The following SDCCAG8 variants were observed in gnomAD, a reference collection of about 807,000 sequenced individuals.
SDCCAG8 encodes SHH signaling and ciliogenesis regulator SDCCAG8.
A neutral mutation model predicts 101.8 loss-of-function variants in SDCCAG8; 74 were observed. That is an observed-to-expected ratio of 0.73 (90% CI 0.60 to 0.88). SDCCAG8 has a LOEUF of 0.88. Ranked by LOEUF, SDCCAG8 falls within the 40% of genes least tolerant of loss-of-function variation. The pLI, the probability that SDCCAG8 is intolerant of heterozygous loss-of-function variation, is 0.00. For missense variants in SDCCAG8, 787 were observed against 822.6 expected, an observed-to-expected ratio of 0.96 and a Z score of 0.53; for synonymous variants, 281 against 292.9, an observed-to-expected ratio of 0.96 and a Z score of 0.41.
At chr1:243,392,789 A>G (rs1407567354) in intron 13 of SDCCAG8, among the ~76,000 whole-genome samples, 2 of 152,172 alleles carry the variant, frequency 1.3e-5, no homozygotes, top group African/African-American at 4.8e-5. Flanking sequence ...AAATGCAGGA[A>G]TGGTTGGGAC....
At chr1:243,415,468 T>C (rs1448079332) in intron 13 of SDCCAG8, among the ~76,000 whole-genome samples, 1 of 152,190 alleles carries the variant, frequency 6.6e-6, no homozygotes, top group Non-Finnish European at 1.5e-5. Context: ...TTAGTTGTTA[T>C]GATGTTTTGA....
intron 12 of SDCCAG8, chr1:243,346,071 G>A (rs1385925206): frequency 1.3e-5 from 2 of 153,750 alleles, no homozygotes; most frequent in Non-Finnish European, 2.9e-5. Context: ...TTTCCCAGAC[G>A]GAATGTGAGG....
At position 243,474,430 on chromosome 1, in the gene SDCCAG8, C is replaced by T. The variant is rs1661932325; in HGVS notation, c.1986-14584C>T. ...CCTCCAGGTGCGGGCTCCAGGCCCT[C>T]TCGCGCGGCTTCGGGACTCGGCCGA... On this transcript the variant is annotated intron_variant, in intron 16 of 17. Transcript: ENST00000366541. The surrounding 1 kb of genome is among the most constrained non-coding windows in gnomAD (Gnocchi z 4.7). Among the ~76,000 whole-genome samples the T allele has an allele frequency of 6.6e-6, 1 of 152,210 alleles. No homozygotes were observed. Among genetic ancestry groups the T allele is most frequent in the African/African-American group, 2.4e-5 (1 of 41,464 alleles).
chr1:243,465,687 T>C (rs879890977), intron 16 of SDCCAG8, among the ~76,000 whole-genome samples: 5 of 152,254 alleles, frequency 3.3e-5, no homozygotes, highest in Non-Finnish European at 7.3e-5. Context: ...GACACTATAA[T>C]TTAAATGTCT....
At position 243,416,843 on chromosome 1, in the gene SDCCAG8, T is replaced by G. The variant is rs2080618552; in HGVS notation, c.1744+1014T>G. ...ATTGATCCTGTCTCTTCCAGAAAAA[T>G]GTTGCTTAATTTTAGTGCCTTGATT... On this transcript the variant is annotated intron_variant, in intron 14 of 17. Coordinates refer to ENST00000366541, the MANE Select transcript of SDCCAG8 (RefSeq NM_006642.5). This position sits in a 1 kb window ranked among gnomAD's most constrained non-coding sequence, Gnocchi z 4.3. 1.3e-5 allele frequency among the ~76,000 whole-genome samples: 2 copies of G among 152,306 alleles called. No individual in the cohort carries two copies. The highest frequency in any genetic ancestry group is 3.9e-4 in the East Asian group (2 of 5,184).
At chr1:243,390,903 AC>A (rs1465741548) in intron 13 of SDCCAG8, among the ~76,000 whole-genome samples, 1 of 152,268 alleles carries the variant, frequency 6.6e-6, no homozygotes. Context: ...AAGGAATATA[AC>A]AAAAGCCCAT....
Position 243,293,337 on chromosome 1 carries a change from G to A in SDCCAG8, c.675+118G>A, listed in dbSNP as rs562427450. The A allele has an allele frequency of 1.4e-4, 148 of 1,061,906 alleles. 1 individual carries two copies. The East Asian group carries it at 1.6e-3, about 11-fold the overall frequency. The allele number at this position is 1,061,906 out of a possible 1,614,324, so 65.8% of individuals were successfully genotyped here. On this transcript the variant is annotated intron_variant, in intron 6 of 17. Coordinates refer to ENST00000366541, the MANE Select transcript of SDCCAG8 (RefSeq NM_006642.5). ...TTTACCATTATAACCATTTTTAAGC[G>A]TACAGTTTATCTGCATTAAGTACAT...
intron 8 of SDCCAG8, among the ~76,000 whole-genome samples, chr1:243,313,039 G>C (rs763571963): frequency 6.6e-6 from 1 of 152,162 alleles, no homozygotes. Flanking sequence ...GTAGCTCACA[G>C]TACCTTGGAG....
intron 12 of SDCCAG8, among the ~76,000 whole-genome samples, chr1:243,345,933 C>T (rs192457070): frequency 4.6e-5 from 7 of 152,268 alleles, no homozygotes; most frequent in Non-Finnish European, 8.8e-5. Flanking sequence ...TTCATAATGA[C>T]GTTTAGTGGT....
intron 6 of SDCCAG8, among the ~76,000 whole-genome samples, chr1:243,298,054 T>G (rs1212979335): frequency 1.3e-5 from 2 of 151,504 alleles, no homozygotes; most frequent in East Asian, 3.9e-4. Flanking sequence ...TTCACTTTTT[T>G]TTTTTTTTTT....
At chr1:243,293,529 A>C in intron 6 of SDCCAG8, 1 of 510,202 alleles carries the variant, frequency 2.0e-6, no homozygotes, top group Non-Finnish European at 3.8e-6. Context: ...GATACTTGAC[A>C]TAAGTGGAAT....
At chr1:243,455,536 A>G (rs1558493498) in intron 16 of SDCCAG8, among the ~76,000 whole-genome samples, 1 of 152,160 alleles carries the variant, frequency 6.6e-6, no homozygotes. Context: ...CCCAAAGTGC[A>G]GGGATTACAG....
chr1:243,403,334 T>C (rs2079532169), intron 13 of SDCCAG8, among the ~76,000 whole-genome samples: 1 of 152,218 alleles, frequency 6.6e-6, no homozygotes, highest in Non-Finnish European at 1.5e-5. Flanking sequence ...AAATTTTTAT[T>C]CTTTCCTCAA....
intron 7 of SDCCAG8, among the ~76,000 whole-genome samples, chr1:243,307,131 G>A (rs1050465046): frequency 4.0e-5 from 6 of 150,982 alleles, no homozygotes; most frequent in East Asian, 1.9e-4. Flanking sequence ...TGACTTTAGC[G>A]CAGCTTTACT....
chr1:243,392,182 A>G (rs937979991), intron 13 of SDCCAG8, among the ~76,000 whole-genome samples: 2 of 152,230 alleles, frequency 1.3e-5, no homozygotes, highest in African/African-American at 4.8e-5. Context: ...CAGGTACTCC[A>G]ATGATTTTAA....
intron 13 of SDCCAG8, among the ~76,000 whole-genome samples, chr1:243,413,758 C>T (rs1471338901): frequency 6.6e-6 from 1 of 152,038 alleles, no homozygotes. Context: ...GGCTCCTGCC[C>T]CGGCAGGGGG....
intron 12 of SDCCAG8, among the ~76,000 whole-genome samples, chr1:243,374,961 C>T (rs1558376840): frequency 6.6e-6 from 1 of 151,894 alleles, no homozygotes; most frequent in Non-Finnish European, 1.5e-5. Context: ...GAAAAACAAA[C>T]TATTAAAAAA....
chr1:243,299,540 A>G (rs545870147), intron 6 of SDCCAG8, among the ~76,000 whole-genome samples: 33 of 151,934 alleles, frequency 2.2e-4, no homozygotes, highest in African/African-American at 7.0e-4. Flanking sequence ...CAGCCTCCCA[A>G]TTAGCTGGGA....
chr1:243,355,890 C>A (rs546733581), intron 12 of SDCCAG8, among the ~76,000 whole-genome samples: 31 of 152,120 alleles, frequency 2.0e-4, no homozygotes, highest in Non-Finnish European at 4.4e-4. Context: ...GACTACAGGC[C>A]TGGGCCACCG....
Sources: allele counts gnomAD v4.1 joint callset (sites outside exome capture counted in the v4.1 genomes callset), GRCh38; gene constraint gnomAD v4.1.1; non-coding constraint Gnocchi (gnomAD v3.1); transcripts MANE v1.5; gene names NCBI Gene and HGNC (gene_info 2026-07-23, HGNC 2026-07-21).